The following CRYBG1 variants were observed in gnomAD, a reference collection of about 807,000 sequenced individuals.
CRYBG1 encodes beta/gamma crystallin domain-containing protein 1.
A neutral mutation model predicts 189.2 loss-of-function variants in CRYBG1; 139 were observed. That is an observed-to-expected ratio of 0.73 (90% CI 0.64 to 0.85). The LOEUF is 0.85. CRYBG1 is among the 40% of genes least tolerant of loss of function. The pLI, the probability that CRYBG1 is intolerant of heterozygous loss-of-function variation, is 0.00. For synonymous variants in CRYBG1, 1,023 were observed against 1,017.1 expected (o/e 1.01, Z -0.11); for missense variants, 2,611 against 2,675.8 (o/e 0.98, Z 0.53).
intron 3 of CRYBG1, among the ~76,000 whole-genome samples, chr6:106,517,453 CAT>C (rs1219730309): frequency 6.5e-4 from 66 of 101,162 alleles, no homozygotes; most frequent in South Asian, 5.1e-3. Context: ...TATATACACA[CAT>C]ATATATATAC....
At chr6:106,361,220 G>A (rs967487717) in intron 1 of CRYBG1, 139 bp downstream of exon 1, 12 of 1,090,526 alleles carry the variant, frequency 1.1e-5, no homozygotes, top group Non-Finnish European at 1.5e-5. Flanking sequence ...AGGGTACCCG[G>A]GTCCGGAGGG....
Position 106,570,359 on chromosome 6 carries a change from T to C in CRYBG1, c.*1793T>C, listed in dbSNP as rs6908635. 3.9e-5 allele frequency: 6 copies of C among 152,354 alleles called. No homozygotes were observed. The highest frequency in any genetic ancestry group is 1.4e-4 in the African/African-American group (6 of 41,570). The allele number at this position is 152,354 out of a possible 1,614,324, so 9.4% of individuals were successfully genotyped here. A position where few individuals can be genotyped will look rare whatever the true frequency, so the allele number is the denominator to read the frequency against. Reference sequence around the variant, plus strand: ...TATATAGCTCTGATTTTAGGCCTTTTGTGCATACCATTACAATATGGTGGG... The same window carrying C: ...TATATAGCTCTGATTTTAGGCCTTTCGTGCATACCATTACAATATGGTGGG... On this transcript the variant is annotated 3_prime_UTR_variant, in exon 22 of 22. Transcript: ENST00000633556.
At chr6:106,436,467 T>C (rs1771460671) in intron 1 of CRYBG1, among the ~76,000 whole-genome samples, 1 of 152,168 alleles carries the variant, frequency 6.6e-6, no homozygotes, top group Non-Finnish European at 1.5e-5. Flanking sequence ...CCTACTGTTT[T>C]GTAATTTTAG....
chr6:106,479,135 C>T (rs1333366689), intron 2 of CRYBG1, among the ~76,000 whole-genome samples: 1 of 152,172 alleles, frequency 6.6e-6, no homozygotes, highest in East Asian at 1.9e-4. Context: ...GGGTTGTTTC[C>T]ATTTTTGACT....
In CRYBG1 at chr6:106,396,200, A is replaced by G. The variant is rs534710195; in HGVS notation, c.173+35119A>G. 7.2e-4 allele frequency among the ~76,000 whole-genome samples: 109 copies of G among 152,136 alleles called. 1 individual carries two copies. The highest frequency in any genetic ancestry group is 1.3e-3 in the Non-Finnish European group (91 of 67,982). ...TGCCAGGGTAATTTTTTTTCCTTTG[A>G]ACTCAGCTATGAATTTTAATTTATT... On this transcript the variant is annotated intron_variant, in intron 1 of 21. Transcript: ENST00000633556.
intron 1 of CRYBG1, among the ~76,000 whole-genome samples, chr6:106,427,368 G>T (rs1049157290): frequency 3.9e-5 from 6 of 152,118 alleles, no homozygotes; most frequent in African/African-American, 9.7e-5. Flanking sequence ...CTTCCTGATT[G>T]TTCCCTATCT....
chr6:106,524,984 A>G, intron 4 of CRYBG1, 149 bp from the exon 5 acceptor site: 5 of 747,004 alleles, frequency 6.7e-6, no homozygotes, highest in Non-Finnish European at 1.1e-5. Context: ...AAAGAGTTTT[A>G]ATACAACTTT....
At chr6:106,505,181 G>A (rs981655822) in intron 2 of CRYBG1, among the ~76,000 whole-genome samples, 1 of 150,722 alleles carries the variant, frequency 6.6e-6, no homozygotes, top group African/African-American at 2.4e-5. Context: ...TGCAACCTCC[G>A]CCTCCCGGGT....
At chr6:106,563,652 ATG>A (rs1774790031) in intron 20 of CRYBG1, 110 bp from the exon 21 acceptor site, 1 of 1,123,492 alleles carries the variant, frequency 8.9e-7, no homozygotes, top group South Asian at 1.7e-5. Context: ...TGTGGGGTAA[ATG>A]AAGCTAGGAA....
intron 1 of CRYBG1, among the ~76,000 whole-genome samples, chr6:106,363,113 G>A (rs1044174947): frequency 4.6e-5 from 7 of 150,664 alleles, no homozygotes; most frequent in African/African-American, 1.5e-4. Context: ...GCATGGTGGC[G>A]CGCGCCTGTA....
intron 1 of CRYBG1, among the ~76,000 whole-genome samples, chr6:106,374,830 T>G: frequency 6.6e-6 from 1 of 152,176 alleles, no homozygotes; most frequent in South Asian, 2.1e-4. Flanking sequence ...ACTAAGTTCT[T>G]TACTGATATA....
Position 106,553,755 on chromosome 6 carries a change from A to C in CRYBG1, c.5585+188A>C, listed in dbSNP as rs546519247. Among the ~76,000 whole-genome samples the C allele has an allele frequency of 3.9e-5, 6 of 152,332 alleles. No homozygotes were observed. The East Asian group carries it at 1.2e-3, about 29-fold the overall frequency. ...ACACGGGCTTCAGGTTGGTTGGAGAAGCTGAAGATCATCTCATTGTGTAAT... is the reference window on the plus strand; with the variant it reads ...ACACGGGCTTCAGGTTGGTTGGAGACGCTGAAGATCATCTCATTGTGTAAT... On this transcript the variant is annotated intron_variant, in intron 16 of 21. Transcript: ENST00000633556.
At chr6:106,482,542 G>A (rs999097344) in intron 2 of CRYBG1, among the ~76,000 whole-genome samples, 8 of 152,234 alleles carry the variant, frequency 5.3e-5, no homozygotes, top group South Asian at 2.1e-4. Context: ...TTGGGAGGCC[G>A]AGGGGGGTGA....
At chr6:106,467,811 G>C (rs1267021778) in intron 2 of CRYBG1, among the ~76,000 whole-genome samples, 1 of 152,040 alleles carries the variant, frequency 6.6e-6, no homozygotes, top group Non-Finnish European at 1.5e-5. Context: ...CCCACTAAGA[G>C]TAAACAGTTA....
At chr6:106,371,977 C>T (rs1770047219) in intron 1 of CRYBG1, among the ~76,000 whole-genome samples, 1 of 152,174 alleles carries the variant, frequency 6.6e-6, no homozygotes, top group Non-Finnish European at 1.5e-5. Flanking sequence ...TAACTGTTGA[C>T]AATGTAGAGA....
At chr6:106,541,294 A>G (rs1479532516) in intron 9 of CRYBG1, 2 of 557,250 alleles carry the variant, frequency 3.6e-6, no homozygotes, top group East Asian at 8.8e-5. Flanking sequence ...TTTTCAAGAG[A>G]AGTATGGATT....
chr6:106,520,610 T>C lies in CRYBG1; in HGVS notation c.3402T>C (p.Pro1134=), dbSNP rs1773579271. 1 of 1,614,228 alleles carries C rather than the reference T, an allele frequency of 6.2e-7. No homozygotes were observed. The highest frequency in any genetic ancestry group is 8.5e-7 in the Non-Finnish European group (1 of 1,180,038). Residue 1134 remains proline, a synonymous_variant, in exon 4 of 22, where the codon CCT becomes CCC. Coordinates refer to ENST00000633556, the MANE Select transcript of CRYBG1 (RefSeq NM_001371242.2). ...KRKKARMPNS[P]APHFAMPPIH... is the part of the protein sequence containing the mutation. ...AGAAGGCCAGGATGCCAAACTCTCC[T>C]GCTCCTCACTTTGCCATGCCTCCTA...
chr6:106,360,971 G>A lies in CRYBG1; in HGVS notation c.63G>A (p.Lys21=). 1 of 1,535,234 alleles carries A rather than the reference G, an allele frequency of 6.5e-7. No individual in the cohort carries two copies. ...AGCCCAGCCCGTGCAGGCCCCCTAA[G>A]AAGCACACCACCTTCCACCTCTGGC... ...PGEPSPCRPP[K]KHTTFHLWRS... Residue 21 remains lysine (K), a synonymous_variant, in exon 1 of 22, where the codon AAG becomes AAA. Transcript: ENST00000633556.
intron 13 of CRYBG1, among the ~76,000 whole-genome samples, chr6:106,545,755 T>G (rs764216459): frequency 1.6e-4 from 24 of 152,318 alleles, no homozygotes; most frequent in Non-Finnish European, 5.9e-5. Flanking sequence ...CTCAGCTCAC[T>G]GCAACCTCTG....
Sources: gnomAD v4.1 joint callset for allele counts (sites outside exome capture counted in the v4.1 genomes callset) on GRCh38, gnomAD v4.1.1 for gene constraint, MANE v1.5 for transcripts, NCBI Gene and HGNC (gene_info 2026-07-23, HGNC 2026-07-21) for gene names.